ANTXR2: variants seen among roughly 807,000 people sequenced by gnomAD.
The protein encoded by ANTXR2 is anthrax toxin receptor 2.
A neutral mutation model predicts 73.7 loss-of-function variants in ANTXR2; 44 were observed. The observed-to-expected ratio is 0.60, with a 90% CI of 0.47 to 0.77. The LOEUF is 0.77. Among genes scored for constraint, ANTXR2 ranks in the 30% least tolerant of loss-of-function variants. The pLI is 0.00. For missense variants in ANTXR2, 604 were observed against 592.5 expected, an observed-to-expected ratio of 1.02 and a Z score of -0.20; for synonymous variants, 217 against 205.9, an observed-to-expected ratio of 1.05 and a Z score of -0.46.
At chr4:80,005,353 A>C (rs1214266944) in intron 12 of ANTXR2, among the ~76,000 whole-genome samples, 1 of 152,170 alleles carries the variant, frequency 6.6e-6, no homozygotes, top group South Asian at 2.1e-4. Context: ...AATTTGCACA[A>C]CACCACGCTG....
At chr4:79,956,860 G>A (rs541128829) in intron 16 of ANTXR2, among the ~76,000 whole-genome samples, 38 of 151,966 alleles carry the variant, frequency 2.5e-4, no homozygotes, top group Admixed American at 1.6e-3. Flanking sequence ...AGGAGACCCC[G>A]GGCAAATCAA....
chr4:80,048,556 C>T (rs891433363), intron 7 of ANTXR2, among the ~76,000 whole-genome samples: 7 of 151,494 alleles, frequency 4.6e-5, no homozygotes, highest in Non-Finnish European at 1.0e-4. Context: ...TTCATCAAAC[C>T]GTAATTTTAC....
At chr4:79,951,347 A>C (rs1034799781) in intron 16 of ANTXR2, among the ~76,000 whole-genome samples, 17 of 152,052 alleles carry the variant, frequency 1.1e-4, no homozygotes, top group Admixed American at 1.1e-3. Flanking sequence ...TGGGAGGCTG[A>C]GGGAAGGGGA....
chr4:79,995,069 G>GTTGT (rs1730659755), intron 12 of ANTXR2, among the ~76,000 whole-genome samples: 1 of 151,944 alleles, frequency 6.6e-6, no homozygotes, highest in African/African-American at 2.4e-5. Flanking sequence ...CCAACTCCCT[G>GTTGT]TTGTTTCATC....
intron 16 of ANTXR2, among the ~76,000 whole-genome samples, chr4:79,909,717 C>T (rs914724324): frequency 6.6e-6 from 1 of 151,908 alleles, no homozygotes; most frequent in Non-Finnish European, 1.5e-5. Flanking sequence ...CACCCGTTAA[C>T]AAAAACAAGC....
intron 3 of ANTXR2, among the ~76,000 whole-genome samples, chr4:80,056,971 T>C (rs777043795): frequency 6.6e-6 from 1 of 151,948 alleles, no homozygotes; most frequent in South Asian, 2.1e-4. Context: ...ACTTGTTTTA[T>C]AATAAATTTA....
At chr4:80,007,880 T>C (rs1731382911) in intron 12 of ANTXR2, among the ~76,000 whole-genome samples, 1 of 152,200 alleles carries the variant, frequency 6.6e-6, no homozygotes, top group South Asian at 2.1e-4. Flanking sequence ...TAGACAGCTG[T>C]TAGATAATAA....
intron 7 of ANTXR2, among the ~76,000 whole-genome samples, chr4:80,036,671 C>T (rs1337353117): frequency 1.3e-5 from 2 of 151,910 alleles, no homozygotes; most frequent in Non-Finnish European, 2.9e-5. Flanking sequence ...TATGGTGGCT[C>T]GCGCCTGTAA....
At chr4:79,988,899 A>G (rs1436277850) in intron 12 of ANTXR2, among the ~76,000 whole-genome samples, 1 of 152,126 alleles carries the variant, frequency 6.6e-6, no homozygotes, top group African/African-American at 2.4e-5. Flanking sequence ...AATGACTTTC[A>G]GGCAAAGAGT....
intron 16 of ANTXR2, 166 bp downstream of exon 16, chr4:79,977,455 A>G (rs755556580): frequency 1.3e-5 from 18 of 1,353,538 alleles, no homozygotes; most frequent in Non-Finnish European, 1.6e-5. Flanking sequence ...GCATTCTAAC[A>G]ATAGGTAATT....
chr4:79,917,803 T>G (rs959734038), intron 16 of ANTXR2, among the ~76,000 whole-genome samples: 2 of 151,910 alleles, frequency 1.3e-5, no homozygotes, highest in Admixed American at 1.3e-4. Context: ...TAGTATAAAA[T>G]TACAAATTAT....
At chr4:80,024,623 G>A in intron 10 of ANTXR2, 2 of 409,032 alleles carry the variant, frequency 4.9e-6, no homozygotes, top group South Asian at 3.6e-5. Flanking sequence ...TTAGCAGGGT[G>A]TGGTGGTACA....
At chr4:79,973,849 A>G (rs926327228) in intron 16 of ANTXR2, among the ~76,000 whole-genome samples, 3 of 152,232 alleles carry the variant, frequency 2.0e-5, no homozygotes, top group African/African-American at 7.2e-5. Context: ...TCATATGCTG[A>G]TAACTACAGA....
intron 11 of ANTXR2, among the ~76,000 whole-genome samples, chr4:80,016,019 C>A (rs1731851969): frequency 6.7e-6 from 1 of 149,632 alleles, no homozygotes; most frequent in Admixed American, 6.7e-5. Flanking sequence ...GAGGTCGGTC[C>A]TGACAAATGA....
chr4:80,016,587 C>T (rs576430851), intron 11 of ANTXR2, among the ~76,000 whole-genome samples: 1 of 152,312 alleles, frequency 6.6e-6, no homozygotes, highest in East Asian at 1.9e-4. Context: ...CAATCCAGAC[C>T]TCTCTCAGAA....
At chr4:80,064,571 T>C (rs542435863) in intron 3 of ANTXR2, among the ~76,000 whole-genome samples, 2 of 152,238 alleles carry the variant, frequency 1.3e-5, no homozygotes, top group African/African-American at 4.8e-5. Flanking sequence ...CACTTGAAAA[T>C]GTGATAACCA....
intron 3 of ANTXR2, among the ~76,000 whole-genome samples, chr4:80,056,987 T>C (rs888472415): frequency 7.2e-5 from 11 of 151,858 alleles, no homozygotes; most frequent in Admixed American, 1.3e-4. Context: ...ATTTAAAAGA[T>C]AAGAAGATAT....
chr4:80,060,390 A>T (rs1247488852), intron 3 of ANTXR2, among the ~76,000 whole-genome samples: 2 of 152,126 alleles, frequency 1.3e-5, no homozygotes, highest in African/African-American at 4.8e-5. Flanking sequence ...CTAATTTTAA[A>T]ACTTTCTTGT....
In ANTXR2 at chr4:79,920,853, A is replaced by T. The variant is rs556124506; in HGVS notation, c.1429-13386T>A. Reference sequence around the variant, plus strand: ...TAAGTGACTTATATTTCAAATTCTTAAGATTCACATGTACAACACAAAACA... The same window carrying T: ...TAAGTGACTTATATTTCAAATTCTTTAGATTCACATGTACAACACAAAACA... On this transcript the variant is annotated intron_variant, in intron 16 of 16. Coordinates refer to ENST00000403729, the MANE Select transcript of ANTXR2 (RefSeq NM_058172.6). Among the ~76,000 whole-genome samples, 30 of 152,264 alleles carry T rather than the reference A, an allele frequency of 2.0e-4. No individual in the cohort carries two copies. The South Asian group carries it at 6.0e-3, about 30-fold the overall frequency.
Sources: allele counts gnomAD v4.1 joint callset (sites outside exome capture counted in the v4.1 genomes callset), GRCh38; gene constraint gnomAD v4.1.1; transcripts MANE v1.5; gene names NCBI Gene and HGNC (gene_info 2026-07-23, HGNC 2026-07-21).